FAM83B: variants seen among roughly 807,000 people sequenced by gnomAD.
FAM83B encodes the protein scaffolding CK1 anchoring protein B, also known as protein FAM83B.
In FAM83B, 26 loss-of-function variants were observed where a neutral mutation model predicts 38.8. The ratio of observed to expected loss-of-function variants is 0.67; its 90% CI spans 0.49 to 0.93. The LOEUF is 0.93. Among genes scored for constraint, FAM83B ranks in the 40% least tolerant of loss-of-function variants. The probability of loss-of-function intolerance (pLI) is 0.00; values close to 1 mark genes in which losing one functional copy is unlikely to be tolerated. For missense variants in FAM83B, 1,237 were observed against 1,197.3 expected (o/e 1.03, Z -0.49); for synonymous variants, 419 against 423.1 (o/e 0.99, Z 0.12).
chr6:54,880,519 A>C (rs1014868544), intron 2 of FAM83B, among the ~76,000 whole-genome samples: 3 of 132,560 alleles, frequency 2.3e-5, no homozygotes, highest in Admixed American at 9.5e-5. Context: ...ATCTCGGCTC[A>C]CTGCCACCTC....
chr6:54,886,491 G>T (rs893601499), intron 2 of FAM83B, among the ~76,000 whole-genome samples: 1 of 151,620 alleles, frequency 6.6e-6, no homozygotes. Context: ...TTTTTTTCTT[G>T]TATTTGTTTT....
chr6:54,859,955 A>G lies in FAM83B; in HGVS notation c.-60-10232A>G, dbSNP rs9464153. Among the ~76,000 whole-genome samples the G allele has an allele frequency of 1.2e-3, 176 of 152,314 alleles. 2 individuals are homozygous for G. The highest frequency in any genetic ancestry group is 4.0e-3 in the African/African-American group (165 of 41,570). ...CCCCATTGCAAAATAATACATATTCATTGATAAACATTTGTTAAATACAGA... is the reference window on the plus strand; with the variant it reads ...CCCCATTGCAAAATAATACATATTCGTTGATAAACATTTGTTAAATACAGA... On this transcript the variant is annotated intron_variant, in intron 1 of 4. Transcript: ENST00000306858.
chr6:54,912,992 ATTTAAG>A (rs1373887791), intron 2 of FAM83B, among the ~76,000 whole-genome samples: 1 of 152,072 alleles, frequency 6.6e-6, no homozygotes, highest in Non-Finnish European at 1.5e-5. Context: ...ACTACTTTAC[ATTTAAG>A]TTTTTTACTC....
chr6:54,856,838 T>C (rs996392041), intron 1 of FAM83B, among the ~76,000 whole-genome samples: 2 of 152,116 alleles, frequency 1.3e-5, no homozygotes, highest in African/African-American at 4.8e-5. Context: ...TTGGTAGGTA[T>C]TGGGATTATT....
At chr6:54,861,343 C>T (rs530042220) in intron 1 of FAM83B, among the ~76,000 whole-genome samples, 38 of 152,236 alleles carry the variant, frequency 2.5e-4, no homozygotes, top group African/African-American at 8.2e-4. Flanking sequence ...TTACTTGAGC[C>T]CAGGAGTTTG....
Position 54,870,272 on chromosome 6 carries a change from C to T in FAM83B, c.26C>T (p.Ser9Leu). The T allele has an allele frequency of 6.2e-7, 1 of 1,613,730 alleles. No individual in the cohort carries two copies. The highest frequency in any genetic ancestry group is 8.5e-7 in the Non-Finnish European group (1 of 1,179,764). Residue 9 changes from serine (S) to leucine (L), a missense_variant, in exon 2 of 5, where the codon TCA becomes TTA. Coordinates refer to ENST00000306858, the MANE Select transcript of FAM83B (RefSeq NM_001010872.3). ...ATGGAGACCTCATCAATGCTTTCCT[C>T]ATTGAATGATGAGTGTAAATCTGAC... is the stretch of plus-strand genomic sequence containing the variant. The part of the protein sequence containing the change: METSSMLS[S>L]LNDECKSDNY...
intron 2 of FAM83B, among the ~76,000 whole-genome samples, chr6:54,885,822 C>T (rs1433649678): frequency 2.9e-5 from 3 of 103,178 alleles, no homozygotes; most frequent in Non-Finnish European, 5.7e-5. Context: ...TGTTGTGGGA[C>T]AGGGGGAGGG....
intron 2 of FAM83B, among the ~76,000 whole-genome samples, chr6:54,910,810 T>TGG (rs924192997): frequency 1.3e-5 from 2 of 152,246 alleles, no homozygotes; most frequent in African/African-American, 4.8e-5. Context: ...TTTCTGGACT[T>TGG]CTGCAGCAGA....
intron 1 of FAM83B, among the ~76,000 whole-genome samples, chr6:54,849,611 A>G (rs1488905419): frequency 6.6e-6 from 1 of 151,724 alleles, no homozygotes; most frequent in Non-Finnish European, 1.5e-5. Flanking sequence ...TATGAGAGAT[A>G]TTCATTGGGC....
At chr6:54,872,632 C>T (rs1771885328) in intron 2 of FAM83B, among the ~76,000 whole-genome samples, 1 of 152,158 alleles carries the variant, frequency 6.6e-6, no homozygotes, top group South Asian at 2.1e-4. Flanking sequence ...TGGGCTAGCA[C>T]CCACTGGGAA....
chr6:54,939,711 T>C lies in FAM83B; in HGVS notation c.740T>C (p.Met247Thr). Reference sequence around the variant, plus strand: ...TTTTCCATTTTTTTCCCCAGTTATATGTGGTCATTTGAGAAAGCTCACCTC... The same window carrying C: ...TTTTCCATTTTTTTCCCCAGTTATACGTGGTCATTTGAGAAAGCTCACCTC... ...QKVMYGSYSY[M>T]WSFEKAHLSM... The change falls in exon 5 of 5, where the codon ATG becomes ACG. Residue 247 changes from methionine to threonine, a missense_variant. Coordinates refer to ENST00000306858, the MANE Select transcript of FAM83B (RefSeq NM_001010872.3). The C allele has an allele frequency of 1.3e-6, 2 of 1,583,678 alleles. No homozygotes were observed. Among genetic ancestry groups the C allele is most frequent in the Non-Finnish European group, 1.7e-6 (2 of 1,167,572 alleles).
intron 2 of FAM83B, among the ~76,000 whole-genome samples, chr6:54,890,395 C>T (rs974266028): frequency 1.3e-5 from 2 of 152,070 alleles, no homozygotes; most frequent in Admixed American, 1.3e-4. Flanking sequence ...TCAATCAACA[C>T]AGTTTTTAGG....
chr6:54,879,146 T>TC (rs1772066006), intron 2 of FAM83B, among the ~76,000 whole-genome samples: 1 of 152,166 alleles, frequency 6.6e-6, no homozygotes, highest in Admixed American at 6.5e-5. Flanking sequence ...GGTTGATCCG[T>TC]AACCCCAGTC....
chr6:54,884,347 T>TG (rs1478500398), intron 2 of FAM83B, among the ~76,000 whole-genome samples: 2 of 146,826 alleles, frequency 1.4e-5, no homozygotes, highest in Admixed American at 6.8e-5. Flanking sequence ...GCTGGGTGTG[T>TG]GGCGCATGCC....
At chr6:54,883,133 AC>A (rs1424034931) in intron 2 of FAM83B, among the ~76,000 whole-genome samples, 2 of 151,448 alleles carry the variant, frequency 1.3e-5, no homozygotes, top group Non-Finnish European at 2.9e-5. Context: ...TTTAGTAGAG[AC>A]TGGTTTCACC....
In FAM83B at chr6:54,917,988, G is replaced by A. The variant is rs369349135; in HGVS notation, c.445-8383G>A. On this transcript the variant is annotated intron_variant, in intron 2 of 4. Coordinates refer to ENST00000306858, the MANE Select transcript of FAM83B (RefSeq NM_001010872.3). ...GTTAAATATGACAAAATTTTAACAT[G>A]TAAAAATATTGGTGATGGATTATAG... Among the ~76,000 whole-genome samples, 14 of 152,150 alleles carry A rather than the reference G, an allele frequency of 9.2e-5. No individual in the cohort carries two copies. The East Asian group carries it at 2.5e-3, about 27-fold the overall frequency.
chr6:54,913,578 T>C (rs239821), intron 2 of FAM83B, among the ~76,000 whole-genome samples: 7,168 of 151,778 alleles, frequency 0.047, 216 homozygotes, highest in Non-Finnish European at 0.066. Context: ...CAGGTGACTT[T>C]GGGAGAATGA....
At position 54,929,431 on chromosome 6, in the gene FAM83B, T is replaced by C. The variant is rs528151080; in HGVS notation, c.734+1799T>C. Among the ~76,000 whole-genome samples, 4 of 152,302 alleles carry C rather than the reference T, an allele frequency of 2.6e-5. No individual in the cohort carries two copies. The East Asian group carries it at 7.7e-4, about 29-fold the overall frequency. On this transcript the variant is annotated intron_variant, in intron 4 of 4. Coordinates refer to ENST00000306858, the MANE Select transcript of FAM83B (RefSeq NM_001010872.3). ...GCCCAGAATCTGTATTTACCACAGT[T>C]ACACATTGTGTGACAGCTCACTCAC...
At chr6:54,860,729 T>C (rs1771563581) in intron 1 of FAM83B, among the ~76,000 whole-genome samples, 1 of 152,240 alleles carries the variant, frequency 6.6e-6, no homozygotes, top group African/African-American at 2.4e-5. Flanking sequence ...GTATTATGTG[T>C]AAGTGTGTGT....
Sources: allele counts gnomAD v4.1 joint callset (sites outside exome capture counted in the v4.1 genomes callset), GRCh38; gene constraint gnomAD v4.1.1; transcripts MANE v1.5; gene names NCBI Gene and HGNC (gene_info 2026-07-23, HGNC 2026-07-21).